Variants in SHOC2 observed in about 807,000 individuals in gnomAD.
SHOC2 encodes SHOC2 leucine rich repeat scaffold protein.
SHOC2 carries 4 observed loss-of-function variants against 50.2 expected under a neutral mutation model. The ratio of observed to expected loss-of-function variants is 0.08; its 90% CI spans 0.04 to 0.18. The LOEUF is 0.18. Among genes scored for constraint, SHOC2 ranks in the 10% least tolerant of loss-of-function variants. The probability of loss-of-function intolerance (pLI) is 1.00; values close to 1 mark genes in which losing one functional copy is unlikely to be tolerated. For synonymous variants in SHOC2, 218 were observed against 244.5 expected, an observed-to-expected ratio of 0.89 and a Z score of 1.01; for missense variants, 388 against 669.6, an observed-to-expected ratio of 0.58 and a Z score of 4.64.
chr10:110,957,532 A>ACCCCCCCC (rs149911635), intron 1 of SHOC2, among the ~76,000 whole-genome samples: 4 of 128,446 alleles, frequency 3.1e-5, no homozygotes, highest in South Asian at 2.6e-4. Flanking sequence ...TCATGAAGAT[A>ACCCCCCCC]CCCCCCCCCC....
rs781425507 is a variant in SHOC2 at position 111,009,225 on chromosome 10, CATT to C, written c.1285-20_1285-18del. The C allele has an allele frequency of 3.3e-5, 48 of 1,466,310 alleles. No individual in the cohort carries two copies. Among genetic ancestry groups the C allele is most frequent in the Admixed American group, 1.9e-4 (11 of 59,180 alleles). The allele number at this position is 1,466,310 out of a possible 1,614,324, so 90.8% of individuals were successfully genotyped here. On this transcript the variant is annotated intron_variant, in intron 6 of 8. Transcript: ENST00000369452. ...TAATTTCATTTCATGATTTCCTAAA[CATT>C]ATCAATAATTTCTCATTAGGTTCTT...
chr10:110,964,390 C>G lies in SHOC2; in HGVS notation c.32C>G (p.Ser11Cys), dbSNP rs1381863749. ...AGTAGTTTAGGAAAAGAAAAAGACT[C>G]TAAAGAAAAAGATCCCAAAGTACCA... MSSSLGKEKD[S>C]KEKDPKVPSA... Residue 11 changes from serine (S) to cysteine (C), a missense_variant, in exon 2 of 9, where the codon TCT becomes TGT. Ser to Cys is a moderately radical substitution (Grantham distance 112). Around this residue, in one of 5 missense-constraint regions of SHOC2, gnomAD observed 121 missense variants for 145.5 expected, o/e 0.83. Coordinates refer to ENST00000369452, the MANE Select transcript of SHOC2 (RefSeq NM_007373.4). This position sits in a 1 kb window ranked among gnomAD's most constrained non-coding sequence, Gnocchi z 4.9. The G allele has an allele frequency of 6.2e-7, 1 of 1,612,992 alleles. No homozygotes were observed. Among genetic ancestry groups the G allele is most frequent in the South Asian group, 1.1e-5 (1 of 90,850 alleles).
At chr10:111,009,208 T>C (rs1158474741) in intron 6 of SHOC2, 40 bp from the exon 7 acceptor site, 2 of 1,382,216 alleles carry the variant, frequency 1.4e-6, no homozygotes, top group Non-Finnish European at 2.1e-6. Context: ...TATAATTTCA[T>C]TTCATGATTT....
At chr10:110,984,240 A>G (rs1848036930) in intron 2 of SHOC2, among the ~76,000 whole-genome samples, 1 of 152,106 alleles carries the variant, frequency 6.6e-6, no homozygotes, top group African/African-American at 2.4e-5. Context: ...GCATTTCCCT[A>G]GTGATTACTG....
intron 1 of SHOC2, among the ~76,000 whole-genome samples, chr10:110,948,251 CT>C (rs2134099865): frequency 6.6e-6 from 1 of 152,184 alleles, no homozygotes; most frequent in African/African-American, 2.4e-5. Context: ...ATTCTAAAAT[CT>C]TAACAGAAAT....
At chr10:110,944,276 C>T (rs1210853582) in intron 1 of SHOC2, among the ~76,000 whole-genome samples, 1 of 150,496 alleles carries the variant, frequency 6.6e-6, no homozygotes, top group Non-Finnish European at 1.5e-5. Flanking sequence ...ACCATTTTAC[C>T]ATTATCCAGT....
chr10:110,992,772 T>G (rs1186300028), intron 3 of SHOC2, among the ~76,000 whole-genome samples: 2 of 152,314 alleles, frequency 1.3e-5, no homozygotes, highest in South Asian at 2.1e-4. Flanking sequence ...AATGGTGGTG[T>G]TCTTTGGGTT....
intron 2 of SHOC2, among the ~76,000 whole-genome samples, chr10:110,980,416 A>G (rs1362637402): frequency 2.0e-5 from 3 of 151,974 alleles, no homozygotes; most frequent in Non-Finnish European, 4.4e-5. Context: ...TCGGCCTCCC[A>G]AAGTGTCCTG....
intron 2 of SHOC2, among the ~76,000 whole-genome samples, chr10:110,982,361 G>T (rs1201691495): frequency 6.6e-6 from 1 of 151,474 alleles, no homozygotes; most frequent in Non-Finnish European, 1.5e-5. Flanking sequence ...AGTCCTTTGG[G>T]TATATACCCA....
chr10:111,003,390 C>CA (rs1446641910), intron 4 of SHOC2, among the ~76,000 whole-genome samples: 2 of 152,180 alleles, frequency 1.3e-5, no homozygotes, highest in African/African-American at 4.8e-5. Flanking sequence ...AGATCTAGCT[C>CA]ACTGTCAGCT....
chr10:110,925,202 AATC>A (rs899689224), intron 1 of SHOC2, among the ~76,000 whole-genome samples: 2 of 150,814 alleles, frequency 1.3e-5, no homozygotes, highest in Non-Finnish European at 3.0e-5. Flanking sequence ...TTTTTTGTAT[AATC>A]ATTTAAAATG....
At chr10:110,967,643 C>A (rs529518984) in intron 2 of SHOC2, among the ~76,000 whole-genome samples, 3 of 152,244 alleles carry the variant, frequency 2.0e-5, no homozygotes, top group East Asian at 1.9e-4. Context: ...AACTCATTAA[C>A]CCTAGGCAAA....
chr10:110,983,269 C>A (rs1401312602), intron 2 of SHOC2, among the ~76,000 whole-genome samples: 1 of 151,914 alleles, frequency 6.6e-6, no homozygotes, highest in Non-Finnish European at 1.5e-5. Flanking sequence ...TTTTTTTCCA[C>A]CAAAAAACTA....
At position 111,011,897 on chromosome 10, in the gene SHOC2, G is replaced by A; in HGVS notation, c.*79G>A. ...CTTATCTATATCTGTATCTATTTATGTAGATATTGGTATATGGCAGATTTA... is the reference window on the plus strand; with the variant it reads ...CTTATCTATATCTGTATCTATTTATATAGATATTGGTATATGGCAGATTTA... On this transcript the variant is annotated 3_prime_UTR_variant, in exon 9 of 9. Transcript: ENST00000369452. The A allele has an allele frequency of 4.5e-6, 5 of 1,100,702 alleles. No homozygotes were observed. The highest frequency in any genetic ancestry group is 6.9e-6 in the Non-Finnish European group (5 of 723,868). 68.2% of individuals were successfully genotyped at this position (1,100,702 alleles called of 1,614,324 possible).
At position 111,009,728 on chromosome 10, in the gene SHOC2, A is replaced by G. The variant is rs1848533710; in HGVS notation, c.1438A>G (p.Asn480Asp). The change falls in exon 8 of 9, where the codon AAC becomes GAC. Residue 480 changes from asparagine to aspartate, a missense_variant. Asn to Asp is a conservative substitution (Grantham distance 23). This residue lies in a region of SHOC2 where 130 missense variants were observed against 208.6 expected (regional missense o/e 0.62). Coordinates refer to ENST00000369452, the MANE Select transcript of SHOC2 (RefSeq NM_007373.4). Reference protein sequence around the residue: ...LKDLQKLVLTNNQLTTLPRGI... With the variant: ...LKDLQKLVLTDNQLTTLPRGI... ...AATCTTTTAGAAATTAGTCTTGACA[A>G]ACAACCAGTTGACCACTCTTCCCAG... The G allele has an allele frequency of 6.2e-7, 1 of 1,608,878 alleles. No homozygotes were observed. The highest frequency in any genetic ancestry group is 1.7e-5 in the Admixed American group (1 of 59,962).
intron 2 of SHOC2, among the ~76,000 whole-genome samples, chr10:110,977,992 C>G (rs993108417): frequency 3.9e-5 from 6 of 152,212 alleles, no homozygotes; most frequent in Admixed American, 3.9e-4. Flanking sequence ...ATTTGCTGCT[C>G]TCTTCTGTCT....
At position 111,013,137 on chromosome 10, in the gene SHOC2, G is replaced by C. The variant is rs1330487326; in HGVS notation, c.*1319G>C. Reference sequence around the variant, plus strand: ...TCTGTAAGATGTGCATGTACTATTTGATGCGTTTTCTTTGCTTCACTGCTT... The same window carrying C: ...TCTGTAAGATGTGCATGTACTATTTCATGCGTTTTCTTTGCTTCACTGCTT... On this transcript the variant is annotated 3_prime_UTR_variant, in exon 9 of 9. Transcript: ENST00000369452. 6.6e-6 allele frequency: 1 copy of C among 152,284 alleles called. No homozygotes were observed. The highest frequency in any genetic ancestry group is 1.5e-5 in the Non-Finnish European group (1 of 68,024). The allele number at this position is 152,284 out of a possible 1,614,324, so 9.4% of individuals were successfully genotyped here.
chr10:110,999,242 AG>A (rs1428213383), intron 3 of SHOC2, among the ~76,000 whole-genome samples: 1 of 152,246 alleles, frequency 6.6e-6, no homozygotes, highest in Non-Finnish European at 1.5e-5. Flanking sequence ...AAGTCAAAAA[AG>A]AAATTAATCA....
Position 111,001,231 on chromosome 10 carries a change from C to T in SHOC2, c.972+686C>T, listed in dbSNP as rs142845895. Among the ~76,000 whole-genome samples the T allele has an allele frequency of 9.5e-5, 14 of 148,054 alleles. No homozygotes were observed. The East Asian group carries it at 1.6e-3, about 17-fold the overall frequency. On this transcript the variant is annotated intron_variant, in intron 4 of 8. Coordinates refer to ENST00000369452, the MANE Select transcript of SHOC2 (RefSeq NM_007373.4). ...GGAGTGCAATGGCGCGATCTTGGCT[C>T]GGCTGCAACCTCTGCCTCCTGGGTT... is the stretch of plus-strand genomic sequence containing the variant.
Sources: gnomAD v4.1 joint callset for allele counts (sites outside exome capture counted in the v4.1 genomes callset) on GRCh38, gnomAD v4.1.1 for gene constraint, gnomAD v4.1.1 regional missense constraint, Gnocchi (gnomAD v3.1) non-coding constraint, MANE v1.5 for transcripts, NCBI Gene and HGNC (gene_info 2026-07-23, HGNC 2026-07-21) for gene names.